The following PSG2 variants were observed in gnomAD, a reference collection of about 807,000 sequenced individuals.
PSG2 encodes the protein pregnancy specific beta-1-glycoprotein 2.
A neutral mutation model predicts 36.2 loss-of-function variants in PSG2; 49 were observed. The ratio of observed to expected loss-of-function variants is 1.35; its 90% CI spans 1.08 to 1.72. The LOEUF (loss-of-function observed/expected upper bound fraction) is 1.72. PSG2 is among the 40% of genes most tolerant of loss of function. The pLI, the probability that PSG2 is intolerant of heterozygous loss-of-function variation, is 0.00. For missense variants in PSG2, 605 were observed against 407.2 expected, an observed-to-expected ratio of 1.49 and a Z score of -4.18; for synonymous variants, 261 against 155.6, an observed-to-expected ratio of 1.68 and a Z score of -5.04.
At chr19:43,076,821 T>G (rs1301261962) in intron 2 of PSG2, among the ~76,000 whole-genome samples, 5 of 132,894 alleles carry the variant, frequency 3.8e-5, no homozygotes, top group Non-Finnish European at 7.7e-5. Flanking sequence ...TGTTTTGGAT[T>G]TCTAATTTTT....
Position 43,064,302 on chromosome 19 carries a change from A to G in PSG2, c.*340T>C, listed in dbSNP as rs1246677289. The G allele has an allele frequency of 8.3e-6, 2 of 240,716 alleles. No homozygotes were observed. The highest frequency in any genetic ancestry group is 1.7e-5 in the Non-Finnish European group (2 of 120,690). The allele number at this position is 240,716 out of a possible 1,614,324, so 14.9% of individuals were successfully genotyped here. ...GCACTCAGATAGAGAGCAAAAGGAA[A>G]TGTTTCAATTTTTGTTTACAAAAGT... is the stretch of plus-strand genomic sequence containing the variant. On this transcript the variant is annotated 3_prime_UTR_variant, in exon 6 of 6. Coordinates refer to ENST00000406487, the MANE Select transcript of PSG2 (RefSeq NM_031246.4).
At chr19:43,072,083 G>A (rs1429536750) in intron 3 of PSG2, 129 bp from the exon 4 acceptor site, 2 of 1,426,788 alleles carry the variant, frequency 1.4e-6, no homozygotes, top group African/African-American at 1.4e-5. Flanking sequence ...CCCCCTCTAT[G>A]TTCACTGAGC....
At chr19:43,067,101 G>C (rs1401374487) in intron 4 of PSG2, among the ~76,000 whole-genome samples, 2 of 151,326 alleles carry the variant, frequency 1.3e-5, no homozygotes, top group African/African-American at 2.4e-5. Context: ...AGTTCTCCGA[G>C]GCTCTCTTTA....
rs1379098629 is a variant in PSG2, at chr19:43,079,732, G to A, written c.430+1149C>T. ...TTGAGGCAGGTGATTTAGTTCTGGA[G>A]TACAGATTAATCAGCTGACCATTTG... On this transcript the variant is annotated intron_variant, in intron 2 of 5. Coordinates refer to ENST00000406487, the MANE Select transcript of PSG2 (RefSeq NM_031246.4). 2.0e-5 allele frequency among the ~76,000 whole-genome samples: 3 copies of A among 151,710 alleles called. 1 individual carries two copies. The highest frequency in any genetic ancestry group is 6.3e-3 in the Middle Eastern group (2 of 316).
chr19:43,079,507 G>A (rs1967941415), intron 2 of PSG2, among the ~76,000 whole-genome samples: 1 of 149,964 alleles, frequency 6.7e-6, no homozygotes, highest in African/African-American at 2.5e-5. Flanking sequence ...TTTGTTATGT[G>A]AGAGCTCCTG....
At chr19:43,079,407 A>G (rs561639385) in intron 2 of PSG2, among the ~76,000 whole-genome samples, 4 of 151,496 alleles carry the variant, frequency 2.6e-5, no homozygotes, top group Non-Finnish European at 5.9e-5. Context: ...GACAAGGGAC[A>G]GGTGTGGCTA....
chr19:43,067,327 A>G (rs1255207548), intron 4 of PSG2, among the ~76,000 whole-genome samples: 2 of 151,072 alleles, frequency 1.3e-5, no homozygotes, highest in African/African-American at 2.5e-5. Flanking sequence ...CCCATCTTGG[A>G]TGCATCTCAG....
At chr19:43,082,123 T>TC (rs1491255122) in intron 1 of PSG2, 101 of 14,030 alleles carry the variant, frequency 7.2e-3, no homozygotes, top group Non-Finnish European at 9.5e-3. Flanking sequence ...TTCTTCTCTC[T>TC]TTTTTTTTTT....
In PSG2 at chr19:43,081,168, C is replaced by T. The variant is rs1346301527; in HGVS notation, c.143G>A (p.Gly48Glu). ...GTGGACAAGTAGAAGAACATCCTTC[C>T]CCTCGGAAACTTTTGGTGGCTGGGC... Reference protein sequence around the residue: ...IEAQPPKVSEGKDVLLLVHNL... With the variant: ...IEAQPPKVSEEKDVLLLVHNL... Residue 48 changes from glycine to glutamate, a missense_variant, in exon 2 of 6, where the codon GGG (glycine) becomes GAG (glutamate). By Grantham distance (98) the Gly-to-Glu change is moderately conservative. Transcript: ENST00000406487. 2 of 1,612,614 alleles carry T rather than the reference C, an allele frequency of 1.2e-6. No individual in the cohort carries two copies. The highest frequency in any genetic ancestry group is 2.2e-5 in the East Asian group (1 of 44,848).
chr19:43,071,149 T>C (rs1599706079), intron 4 of PSG2, among the ~76,000 whole-genome samples: 2 of 151,270 alleles, frequency 1.3e-5, no homozygotes, highest in African/African-American at 4.9e-5. Flanking sequence ...CCACAAGGGG[T>C]CTTTCTCCAC....
intron 1 of PSG2, chr19:43,082,211 G>C (rs117936974): frequency 2.1e-4 from 59 of 277,582 alleles, no homozygotes; most frequent in Non-Finnish European, 3.5e-4. Context: ...CGCTATCTCG[G>C]CACGCTGCAA....
At chr19:43,068,953 T>C (rs1224823968) in intron 4 of PSG2, among the ~76,000 whole-genome samples, 1 of 151,688 alleles carries the variant, frequency 6.6e-6, no homozygotes, top group African/African-American at 2.4e-5. Flanking sequence ...CTTGAACTTA[T>C]ATGTAGAAAA....
At chr19:43,077,669 T>C (rs1206291414) in intron 2 of PSG2, among the ~76,000 whole-genome samples, 1 of 151,756 alleles carries the variant, frequency 6.6e-6, no homozygotes, top group Non-Finnish European at 1.5e-5. Context: ...CAACTGGTCC[T>C]CAAAACCACC....
rs780499149 is a variant in PSG2 at position 43,075,460 on chromosome 19, G to T, written c.603C>A (p.Thr201=). The change falls in exon 3 of 6, where the codon ACC becomes ACA. Residue 201 remains threonine (T), a synonymous_variant. Coordinates refer to ENST00000406487, the MANE Select transcript of PSG2 (RefSeq NM_031246.4). ...HRFQLSETNR[T]LFLFGVTKYT... is the part of the protein sequence containing the mutation. ...ACTTTGTGACACCAAATAGAAAGAG[G>T]GTCCTGTTGGTTTCGGACAGCTGAA... 4 of 1,613,024 alleles carry T rather than the reference G, an allele frequency of 2.5e-6. No homozygotes were observed. In the African/African-American group the frequency reaches 4.0e-5, roughly 16 times the overall value.
At chr19:43,077,160 T>C (rs1269171957) in intron 2 of PSG2, among the ~76,000 whole-genome samples, 6 of 151,662 alleles carry the variant, frequency 4.0e-5, no homozygotes, top group Non-Finnish European at 7.4e-5. Context: ...TTGCTGGTAG[T>C]AGTATTTCTC....
chr19:43,072,251 T>C, intron 3 of PSG2: 1 of 1,542,518 alleles, frequency 6.5e-7, no homozygotes, highest in East Asian at 2.3e-5. Flanking sequence ...TGTCCAGAAG[T>C]AAAGTTGTCT....
At chr19:43,065,352 C>G (rs1270814817) in intron 5 of PSG2, 1 of 151,360 alleles carries the variant, frequency 6.6e-6, no homozygotes. Flanking sequence ...TGAAAAAGGT[C>G]CTTAGGTAAT....
intron 4 of PSG2, among the ~76,000 whole-genome samples, chr19:43,071,086 C>CG (rs1442097460): frequency 6.6e-6 from 1 of 151,440 alleles, no homozygotes; most frequent in Non-Finnish European, 1.5e-5. Flanking sequence ...CAGCCTGGCC[C>CG]GGGGGAGGCT....
chr19:43,068,945 T>G (rs56244844), intron 4 of PSG2, among the ~76,000 whole-genome samples: 39,481 of 151,410 alleles, frequency 0.26, 5,837 homozygotes, highest in East Asian at 0.55. Flanking sequence ...ATAGATAACT[T>G]GAACTTATAT....
Sources: allele counts gnomAD v4.1 joint callset (sites outside exome capture counted in the v4.1 genomes callset), GRCh38; gene constraint gnomAD v4.1.1; transcripts MANE v1.5; gene names NCBI Gene and HGNC (gene_info 2026-07-23, HGNC 2026-07-21).